The following LAMA2 variants were observed in gnomAD, a reference collection of about 807,000 sequenced individuals.
The protein encoded by LAMA2 is laminin subunit alpha-2.
A neutral mutation model predicts 364.8 loss-of-function variants in LAMA2; 269 were observed. The observed-to-expected ratio is 0.74, with a 90% CI of 0.67 to 0.82. The LOEUF is 0.82. LAMA2 is among the 40% of genes least tolerant of loss of function. The pLI is 0.00. For missense variants in LAMA2, 3,807 were observed against 3,873.2 expected, an observed-to-expected ratio of 0.98 and a Z score of 0.45; for synonymous variants, 1,379 against 1,370.6, an observed-to-expected ratio of 1.01 and a Z score of -0.14.
chr6:129,464,398 G>A lies in LAMA2; in HGVS notation c.7101G>A (p.Lys2367=). The change falls in exon 50 of 65, where the codon AAG becomes AAA. Residue 2367 remains lysine (K), a synonymous_variant. Coordinates refer to ENST00000421865, the MANE Select transcript of LAMA2 (RefSeq NM_000426.4). ...CCAACATCTCCACTGTCATGTTCAA[G>A]TTCAGAACATTTTCTTCGAGTGCTC... is the stretch of plus-strand genomic sequence containing the variant. ...WYPNISTVMF[K]FRTFSSSALL... The A allele has an allele frequency of 6.2e-7, 1 of 1,612,046 alleles. No individual in the cohort carries two copies. The highest frequency in any genetic ancestry group is 8.5e-7 in the Non-Finnish European group (1 of 1,178,486).
chr6:129,211,982 T>G (rs1783128479), intron 12 of LAMA2, among the ~76,000 whole-genome samples: 1 of 152,188 alleles, frequency 6.6e-6, no homozygotes, highest in Non-Finnish European at 1.5e-5. Context: ...TTATTTCTGT[T>G]TACACAAAAG....
intron 58 of LAMA2, among the ~76,000 whole-genome samples, chr6:129,498,223 C>A (rs1242513913): frequency 6.6e-6 from 1 of 152,106 alleles, no homozygotes; most frequent in Non-Finnish European, 1.5e-5. Flanking sequence ...ATACAAGTAG[C>A]CATGGAGAAT....
rs1222638656 is a variant in LAMA2 at position 129,315,634 on chromosome 6, A to G, written c.3714A>G (p.Pro1238=). 6.2e-7 allele frequency: 1 copy of G among 1,614,210 alleles called. No individual in the cohort carries two copies. The highest frequency in any genetic ancestry group is 1.1e-5 in the South Asian group (1 of 91,090). Residue 1238 remains proline, a synonymous_variant, in exon 25 of 65, where the codon CCA becomes CCG. Coordinates refer to ENST00000421865, the MANE Select transcript of LAMA2 (RefSeq NM_000426.4). ...TGGAACCTTTTTATTGGAAACTTCC[A>G]GAACAATTTGAAGGAAAGAAGGTAA... is the stretch of plus-strand genomic sequence containing the variant. The part of the protein sequence containing the change: ...LHLEPFYWKL[P]EQFEGKKLMA...
chr6:128,964,220 G>T (rs1011176544), intron 1 of LAMA2, among the ~76,000 whole-genome samples: 2 of 152,030 alleles, frequency 1.3e-5, no homozygotes, highest in Non-Finnish European at 1.5e-5. Flanking sequence ...TGCATTTTAT[G>T]TGATATCTGA....
chr6:128,955,086 T>C (rs967271464), intron 1 of LAMA2, among the ~76,000 whole-genome samples: 1 of 151,926 alleles, frequency 6.6e-6, no homozygotes, highest in Admixed American at 6.6e-5. Flanking sequence ...TAAGTACTAC[T>C]ATCTCTATAA....
intron 1 of LAMA2, among the ~76,000 whole-genome samples, chr6:128,922,169 C>T (rs565660296): frequency 2.0e-5 from 3 of 151,872 alleles, no homozygotes; most frequent in Middle Eastern, 3.2e-3. Context: ...AATAAACATA[C>T]CTGTGTATGT....
chr6:128,914,226 G>A (rs890971840), intron 1 of LAMA2, among the ~76,000 whole-genome samples: 12 of 152,116 alleles, frequency 7.9e-5, no homozygotes, highest in South Asian at 2.1e-4. Flanking sequence ...AAAACCAGCT[G>A]GTTCTGGGAT....
intron 4 of LAMA2, among the ~76,000 whole-genome samples, chr6:129,117,365 A>G (rs1344321094): frequency 6.6e-6 from 1 of 152,206 alleles, no homozygotes; most frequent in Non-Finnish European, 1.5e-5. Flanking sequence ...TCTCTGAGAA[A>G]CTAAGATAAT....
chr6:129,246,402 G>A (rs1161049700), intron 12 of LAMA2, among the ~76,000 whole-genome samples: 1 of 152,158 alleles, frequency 6.6e-6, no homozygotes, highest in Non-Finnish European at 1.5e-5. Context: ...TTATTGCAGT[G>A]CCCAACAGAT....
intron 56 of LAMA2, among the ~76,000 whole-genome samples, chr6:129,489,565 T>G (rs1369839705): frequency 6.6e-6 from 1 of 152,164 alleles, no homozygotes; most frequent in East Asian, 1.9e-4. Context: ...GCAACTGAAC[T>G]GAGTTTTTCT....
At chr6:129,093,067 C>T (rs1038932362) in intron 3 of LAMA2, among the ~76,000 whole-genome samples, 2 of 150,650 alleles carry the variant, frequency 1.3e-5, no homozygotes, top group African/African-American at 4.9e-5. Flanking sequence ...CTGCAACCTC[C>T]GCCTTCCGAT....
chr6:129,298,066 AC>A (rs1349792997), intron 21 of LAMA2, among the ~76,000 whole-genome samples: 1 of 152,290 alleles, frequency 6.6e-6, no homozygotes, highest in South Asian at 2.1e-4. Flanking sequence ...GTGTGCAAGT[AC>A]TCAGTAAAAA....
intron 20 of LAMA2, among the ~76,000 whole-genome samples, chr6:129,295,367 C>G (rs1010717958): frequency 6.6e-6 from 1 of 152,134 alleles, no homozygotes; most frequent in Non-Finnish European, 1.5e-5. Flanking sequence ...TTATGGGAAC[C>G]TATACAGTTT....
intron 12 of LAMA2, among the ~76,000 whole-genome samples, chr6:129,220,850 T>A (rs540803538): frequency 6.6e-6 from 1 of 152,310 alleles, no homozygotes; most frequent in East Asian, 1.9e-4. Context: ...CTGTGAAAAC[T>A]ATTATTACTA....
chr6:129,131,842 T>C (rs1216888525), intron 4 of LAMA2, among the ~76,000 whole-genome samples: 1 of 152,230 alleles, frequency 6.6e-6, no homozygotes, highest in Non-Finnish European at 1.5e-5. Context: ...TTAAATGATA[T>C]CTCACCATCT....
chr6:129,400,382 G>C (rs1187128239), intron 37 of LAMA2, among the ~76,000 whole-genome samples: 3 of 152,118 alleles, frequency 2.0e-5, no homozygotes, highest in African/African-American at 7.2e-5. Context: ...GGGATCCAAA[G>C]ATTGGAATAA....
At chr6:129,081,395 TA>T (rs1275791691) in intron 3 of LAMA2, among the ~76,000 whole-genome samples, 1 of 152,020 alleles carries the variant, frequency 6.6e-6, no homozygotes, top group East Asian at 1.9e-4. Context: ...AGCATAATAA[TA>T]AAAAAAGAAA....
chr6:129,102,458 G>T (rs1775574787), intron 4 of LAMA2, among the ~76,000 whole-genome samples: 1 of 151,458 alleles, frequency 6.6e-6, no homozygotes. Context: ...AATAGAAGTT[G>T]TTTCTCATTT....
At chr6:129,079,129 A>G (rs1353790970) in intron 3 of LAMA2, among the ~76,000 whole-genome samples, 1 of 152,220 alleles carries the variant, frequency 6.6e-6, no homozygotes, top group African/African-American at 2.4e-5. Flanking sequence ...GAACATGGGC[A>G]TATGGGCTTC....
Sources: gnomAD v4.1 joint callset for allele counts (sites outside exome capture counted in the v4.1 genomes callset) on GRCh38, gnomAD v4.1.1 for gene constraint, MANE v1.5 for transcripts, NCBI Gene and HGNC (gene_info 2026-07-23, HGNC 2026-07-21) for gene names.